The following ZBTB16 variants were observed in gnomAD, a reference collection of about 807,000 sequenced individuals.
ZBTB16 encodes zinc finger and BTB domain containing 16, also known as zinc finger and BTB domain-containing protein 16.
Under a neutral mutation model 56.8 loss-of-function variants are expected in ZBTB16, and 8 were observed. The observed-to-expected ratio is 0.14, with a 90% CI of 0.08 to 0.25. The LOEUF (loss-of-function observed/expected upper bound fraction) is 0.25, where lower values mean the gene tolerates loss of function less well. Ranked by LOEUF, ZBTB16 falls within the 10% of genes least tolerant of loss-of-function variation. The probability of loss-of-function intolerance (pLI) is 1.00; values close to 1 mark genes in which losing one functional copy is unlikely to be tolerated. For missense variants in ZBTB16, 625 were observed against 903.0 expected (o/e 0.69, Z 3.95); for synonymous variants, 363 against 368.5 (o/e 0.98, Z 0.17).
At chr11:114,141,545 G>A (rs1941945500) in intron 2 of ZBTB16, among the ~76,000 whole-genome samples, 1 of 152,222 alleles carries the variant, frequency 6.6e-6, no homozygotes, top group Non-Finnish European at 1.5e-5. Context: ...GTTGTGCTAA[G>A]TTGTTTTACA....
At chr11:114,062,582 G>A (rs1012755890) in intron 1 of ZBTB16, among the ~76,000 whole-genome samples, 8 of 152,208 alleles carry the variant, frequency 5.3e-5, no homozygotes, top group Admixed American at 5.2e-4. Context: ...CCAGTGCTTT[G>A]CAGCCCTGAG....
In ZBTB16 at chr11:114,255,951, G is replaced by A. The variant is rs558965564; in HGVS notation, c.*5396G>A. Among the ~76,000 whole-genome samples the A allele has an allele frequency of 6.6e-6, 1 of 151,472 alleles. No homozygotes were observed. Among genetic ancestry groups the A allele is most frequent in the Non-Finnish European group, 1.5e-5 (1 of 67,942 alleles). On this transcript the variant is annotated 3_prime_UTR_variant, in exon 7 of 7. Transcript: ENST00000335953. ...ATACCTTGAATCTGCAGTTAGAAGA[G>A]AATAAAGTTAATTCAGTTGTCTCTC... is the stretch of plus-strand genomic sequence containing the variant.
intron 4 of ZBTB16, among the ~76,000 whole-genome samples, chr11:114,221,083 C>T (rs991893646): frequency 1.3e-5 from 2 of 152,336 alleles, no homozygotes; most frequent in South Asian, 4.2e-4. Context: ...CCCACTCCCC[C>T]CTCATGCCCT....
Position 114,209,488 on chromosome 11 carries a change from C to T in ZBTB16, c.1453+22450C>T, listed in dbSNP as rs1382940955. The T allele has an allele frequency of 5.1e-6, 5 of 985,258 alleles. No individual in the cohort carries two copies. The African/African-American group carries it at 5.2e-5, about 10-fold the overall frequency. The allele number at this position is 985,258 out of a possible 1,614,324, so 61.0% of individuals were successfully genotyped here. A position where few individuals can be genotyped will look rare whatever the true frequency, so the allele number is the denominator to read the frequency against. ...GGAGATCCCCAGAGGCCCCTCTCCC[C>T]AGACCCTTCAGCTCCAGAAAGCCAT... is the stretch of plus-strand genomic sequence containing the variant. On this transcript the variant is annotated intron_variant, in intron 4 of 6. Transcript: ENST00000335953.
chr11:114,185,303 G>A (rs1416944279), intron 3 of ZBTB16, among the ~76,000 whole-genome samples: 1 of 152,206 alleles, frequency 6.6e-6, no homozygotes. Context: ...AGGGACTTGA[G>A]TGCTTGATGT....
Position 114,148,335 on chromosome 11 carries a change from G to GGCTT in ZBTB16, c.1269-8001_1269-7998dup, listed in dbSNP as rs1555143858. On this transcript the variant is annotated intron_variant, in intron 2 of 6. Coordinates refer to ENST00000335953, the MANE Select transcript of ZBTB16 (RefSeq NM_006006.6). ...GGATGCATAGGATGCATGGCTGGCT[G>GGCTT]GCTTCCTTCCTTCCTTCCTTCCTTC... Among the ~76,000 whole-genome samples, 9 of 91,414 alleles carry GGCTT rather than the reference G, an allele frequency of 9.8e-5. No homozygotes were observed. The South Asian group carries it at 1.4e-3, about 15-fold the overall frequency. 60.0% of individuals were successfully genotyped at this position (91,414 alleles called of 152,430 possible). A position where few individuals can be genotyped will look rare whatever the true frequency, so the allele number is the denominator to read the frequency against.
intron 3 of ZBTB16, among the ~76,000 whole-genome samples, chr11:114,161,814 C>CT (rs3837423): frequency 0.16 from 23,991 of 151,748 alleles, 2,331 homozygotes; most frequent in African/African-American, 0.26. Flanking sequence ...GACTGTTGGG[C>CT]TTTTTTTTAT....
chr11:114,150,153 G>A (rs577508147), intron 2 of ZBTB16, among the ~76,000 whole-genome samples: 1 of 152,184 alleles, frequency 6.6e-6, no homozygotes, highest in African/African-American at 2.4e-5. Context: ...AGCCTGGAAT[G>A]TGGTACTTTT....
At chr11:114,246,782 C>A in intron 5 of ZBTB16, 1 of 251,132 alleles carries the variant, frequency 4.0e-6, no homozygotes, top group Middle Eastern at 1.5e-3. Context: ...TGTGAAGTTC[C>A]TCAAATTGGA....
chr11:114,224,322 A>T (rs1944290655), intron 4 of ZBTB16, among the ~76,000 whole-genome samples: 1 of 152,234 alleles, frequency 6.6e-6, no homozygotes, highest in Non-Finnish European at 1.5e-5. Flanking sequence ...TGAGAGAGGA[A>T]TCTAGGATAA....
chr11:114,215,319 G>T (rs1282847805), intron 4 of ZBTB16, among the ~76,000 whole-genome samples: 1 of 152,176 alleles, frequency 6.6e-6, no homozygotes, highest in African/African-American at 2.4e-5. Flanking sequence ...GGATTCACTT[G>T]TTCCCTTCTC....
At chr11:114,198,766 G>T (rs959407658) in intron 4 of ZBTB16, among the ~76,000 whole-genome samples, 1 of 152,154 alleles carries the variant, frequency 6.6e-6, no homozygotes, top group Non-Finnish European at 1.5e-5. Flanking sequence ...GTCACCCAGG[G>T]CCCACAGTTC....
intron 2 of ZBTB16, among the ~76,000 whole-genome samples, chr11:114,138,342 C>T (rs1282257640): frequency 2.6e-5 from 4 of 152,106 alleles, no homozygotes; most frequent in South Asian, 4.2e-4. Flanking sequence ...TGGTGTTCCC[C>T]GATGGCAATC....
At chr11:114,154,495 C>T (rs1942355409) in intron 2 of ZBTB16, among the ~76,000 whole-genome samples, 1 of 152,134 alleles carries the variant, frequency 6.6e-6, no homozygotes, top group Non-Finnish European at 1.5e-5. Context: ...AGGAATACTC[C>T]ACCATCGTGT....
At chr11:114,131,176 G>A (rs1481700282) in intron 2 of ZBTB16, among the ~76,000 whole-genome samples, 2 of 152,218 alleles carry the variant, frequency 1.3e-5, no homozygotes, top group South Asian at 4.1e-4. Flanking sequence ...CAGTGCCTGA[G>A]ACATGTTTGC....
intron 4 of ZBTB16, among the ~76,000 whole-genome samples, chr11:114,241,266 G>A (rs1944696455): frequency 6.6e-6 from 1 of 151,922 alleles, no homozygotes; most frequent in Non-Finnish European, 1.5e-5. Flanking sequence ...TCTGTAGCTA[G>A]TCTTGGGAAA....
chr11:114,212,566 A>G (rs1371290000), intron 4 of ZBTB16, among the ~76,000 whole-genome samples: 5 of 152,234 alleles, frequency 3.3e-5, no homozygotes, highest in South Asian at 2.1e-4. Context: ...AGACTTCGCT[A>G]TAGAGTCACA....
rs1944929327 is a variant in ZBTB16, at chr11:114,252,184, C to T, written c.*1629C>T. On this transcript the variant is annotated 3_prime_UTR_variant, in exon 7 of 7. Coordinates refer to ENST00000335953, the MANE Select transcript of ZBTB16 (RefSeq NM_006006.6). ...GGGCACTAGGGAGTCACTTTTGGCTCCGCTGGTGCATGAAGTCACCTGTGG... is the reference window on the plus strand; with the variant it reads ...GGGCACTAGGGAGTCACTTTTGGCTTCGCTGGTGCATGAAGTCACCTGTGG... Among the ~76,000 whole-genome samples, 3 of 152,190 alleles carry T rather than the reference C, an allele frequency of 2.0e-5. No individual in the cohort carries two copies. The South Asian group carries it at 6.2e-4, about 32-fold the overall frequency.
chr11:114,204,354 G>C (rs1943804257), intron 4 of ZBTB16, among the ~76,000 whole-genome samples: 1 of 152,062 alleles, frequency 6.6e-6, no homozygotes, highest in Non-Finnish European at 1.5e-5. Flanking sequence ...TGGCCAGGCT[G>C]GCCTCAAACT....
Sources: allele counts gnomAD v4.1 joint callset (sites outside exome capture counted in the v4.1 genomes callset), GRCh38; gene constraint gnomAD v4.1.1; transcripts MANE v1.5; gene names NCBI Gene and HGNC (gene_info 2026-07-23, HGNC 2026-07-21).